CAMKK1: variants seen among roughly 807,000 people sequenced by gnomAD.
CAMKK1 encodes calcium/calmodulin-dependent protein kinase kinase 1.
In CAMKK1, 20 loss-of-function variants were observed where a neutral mutation model predicts 63.5. The observed-to-expected ratio is 0.32, with a 90% CI of 0.22 to 0.46. The LOEUF is 0.46. Among genes scored for constraint, CAMKK1 ranks in the 20% least tolerant of loss-of-function variants. CAMKK1 has a pLI of 1.00. For missense variants in CAMKK1, 588 were observed against 658.1 expected, an observed-to-expected ratio of 0.89 and a Z score of 1.17; for synonymous variants, 253 against 269.0, an observed-to-expected ratio of 0.94 and a Z score of 0.58.
intron 13 of CAMKK1, 58 bp from the exon 14 acceptor site, chr17:3,869,673 C>T: frequency 6.2e-7 from 1 of 1,612,816 alleles, no homozygotes; most frequent in Non-Finnish European, 8.5e-7. Flanking sequence ...CCAGAATCAC[C>T]TGGAGGGGTC....
intron 11 of CAMKK1, among the ~76,000 whole-genome samples, chr17:3,873,002 C>T (rs552242630): frequency 2.2e-4 from 33 of 152,198 alleles, no homozygotes; most frequent in Non-Finnish European, 2.5e-4. Context: ...GGCACACCTG[C>T]GGGCAGGGAT....
chr17:3,886,891 C>T (rs978620037), intron 1 of CAMKK1, among the ~76,000 whole-genome samples: 4 of 152,120 alleles, frequency 2.6e-5, no homozygotes, highest in Non-Finnish European at 5.9e-5. Flanking sequence ...CCCCTGCTTG[C>T]GCTGGACTCT....
intron 1 of CAMKK1, among the ~76,000 whole-genome samples, chr17:3,891,818 G>T (rs983947676): frequency 6.6e-6 from 1 of 152,152 alleles, no homozygotes; most frequent in African/African-American, 2.4e-5. Flanking sequence ...GGCTTGGTTT[G>T]GGGGTGGGGA....
Position 3,890,713 on chromosome 17 carries a change from C to T in CAMKK1, c.-44+2226G>A. The stretch of plus-strand genomic sequence containing the variant: ...CTTACTCTCCACTGCAGCCACACCA[C>T]AGCTTCCCAAATTGCATACTCTGTT... On this transcript the variant is annotated intron_variant, in intron 1 of 15. Transcript: ENST00000348335. This position sits in a 1 kb window ranked among gnomAD's most constrained non-coding sequence, Gnocchi z 6.5. 2.6e-6 allele frequency: 2 copies of T among 779,832 alleles called. No individual in the cohort carries two copies. Among genetic ancestry groups the T allele is most frequent in the Non-Finnish European group, 4.8e-6 (2 of 417,982 alleles). 48.3% of individuals were successfully genotyped at this position (779,832 alleles called of 1,614,324 possible).
intron 14 of CAMKK1, 89 bp downstream of exon 14, chr17:3,869,398 C>A: frequency 6.4e-7 from 1 of 1,553,766 alleles, no homozygotes; most frequent in Non-Finnish European, 8.7e-7. Context: ...CCAGGCAGGC[C>A]TCTGTCCCCC....
chr17:3,865,641 G>A, intron 15 of CAMKK1: 1 of 1,333,686 alleles, frequency 7.5e-7, no homozygotes, highest in Non-Finnish European at 9.6e-7. Context: ...CCTGTCCCAT[G>A]GAGGGGCTGC....
chr17:3,888,470 G>C (rs1229875269), intron 1 of CAMKK1, among the ~76,000 whole-genome samples: 1 of 152,256 alleles, frequency 6.6e-6, no homozygotes, highest in Non-Finnish European at 1.5e-5. Context: ...CCGTGAGCAG[G>C]TGGCTTCGCC....
At chr17:3,885,904 G>T (rs959002810) in intron 1 of CAMKK1, among the ~76,000 whole-genome samples, 174 bp from the exon 2 acceptor site, 1 of 152,194 alleles carries the variant, frequency 6.6e-6, no homozygotes, top group East Asian at 1.9e-4. Context: ...AATTCACATC[G>T]GTTCTGCCGC....
chr17:3,869,940 T>C, intron 12 of CAMKK1, 52 bp from the exon 13 acceptor site: 1 of 1,406,650 alleles, frequency 7.1e-7, no homozygotes, highest in Non-Finnish European at 1.0e-6. Flanking sequence ...TGAGGACCCC[T>C]TCCTGTCCAC....
In CAMKK1 at chr17:3,890,836, G is replaced by A. The variant is rs1441439615; in HGVS notation, c.-44+2103C>T. The A allele has an allele frequency of 6.5e-6, 5 of 771,180 alleles. No individual in the cohort carries two copies. Among genetic ancestry groups the A allele is most frequent in the Admixed American group, 1.7e-5 (1 of 57,702 alleles). The allele number at this position is 771,180 out of a possible 1,614,324, so 47.8% of individuals were successfully genotyped here. A position where few individuals can be genotyped will look rare whatever the true frequency, so the allele number is the denominator to read the frequency against. ...ACAGCTCAGACATCGCCTCTTCTGA[G>A]CCCTCCTTGATCTCCCCACTACCTG... On this transcript the variant is annotated intron_variant, in intron 1 of 15. Transcript: ENST00000348335. This position sits in a 1 kb window ranked among gnomAD's most constrained non-coding sequence, Gnocchi z 6.5.
In CAMKK1 at chr17:3,882,677, C is replaced by T. The variant is rs2055465874; in HGVS notation, c.649-113G>A. ...ACCCTTAGTATGCATGCAACCACCC[C>T]AGACAAGGAAGCAGGAAGTGTACAG... On this transcript the variant is annotated intron_variant, in intron 6 of 15. Coordinates refer to ENST00000348335, the MANE Select transcript of CAMKK1 (RefSeq NM_032294.3). This position sits in a 1 kb window ranked among gnomAD's most constrained non-coding sequence, Gnocchi z 4.3. The T allele has an allele frequency of 2.0e-6, 2 of 1,013,664 alleles. No homozygotes were observed. The highest frequency in any genetic ancestry group is 1.6e-5 in the African/African-American group (1 of 62,386). 62.8% of individuals were successfully genotyped at this position (1,013,664 alleles called of 1,614,324 possible).
chr17:3,876,744 G>GTTTTTTTTTTTGGTTTTTTT (rs2055177274), intron 9 of CAMKK1, among the ~76,000 whole-genome samples: 5 of 127,690 alleles, frequency 3.9e-5, no homozygotes, highest in Non-Finnish European at 8.1e-5. Flanking sequence ...AGTTGTTGCT[G>GTTTTTTTTTTTGGTTTTTTT]TTTTTTTTTT....
Position 3,884,501 on chromosome 17 carries a change from G to T in CAMKK1, c.361-74C>A. The T allele has an allele frequency of 1.4e-6, 2 of 1,455,344 alleles. No individual in the cohort carries two copies. Among genetic ancestry groups the T allele is most frequent in the African/African-American group, 1.4e-5 (1 of 71,670 alleles). 90.2% of individuals were successfully genotyped at this position (1,455,344 alleles called of 1,614,324 possible). ...CTGCTCCTACCTCAGAGCCCGTTCA[G>T]GGTCCAATTCTGGCCATAAGCTCCT... is the stretch of plus-strand genomic sequence containing the variant. On this transcript the variant is annotated intron_variant, in intron 2 of 15. Coordinates refer to ENST00000348335, the MANE Select transcript of CAMKK1 (RefSeq NM_032294.3). This position sits in a 1 kb window ranked among gnomAD's most constrained non-coding sequence, Gnocchi z 4.5.
At position 3,892,088 on chromosome 17, in the gene CAMKK1, G is replaced by A. The variant is rs114214760; in HGVS notation, c.-44+851C>T. Reference sequence around the variant, plus strand: ...TCCCTGGGATCCTCCAGCGCGCACAGGCTGTGTGCCCCTCCCACACTCCTG... The same window carrying A: ...TCCCTGGGATCCTCCAGCGCGCACAAGCTGTGTGCCCCTCCCACACTCCTG... On this transcript the variant is annotated intron_variant, in intron 1 of 15. Coordinates refer to ENST00000348335, the MANE Select transcript of CAMKK1 (RefSeq NM_032294.3). This position sits in a 1 kb window ranked among gnomAD's most constrained non-coding sequence, Gnocchi z 7.5. Among the ~76,000 whole-genome samples, 3,211 of 151,178 alleles carry A rather than the reference G, an allele frequency of 0.021. 101 individuals carry two copies. Among genetic ancestry groups the A allele is most frequent in the African/African-American group, 0.073 (2,967 of 40,552 alleles).
Position 3,882,192 on chromosome 17 carries a change from G to T in CAMKK1, c.685+336C>A. ...CACCACTAGTATCCCTGTTTTATAGGTGGGAAAACTGAGGCACAGAGCTAC... is the reference window on the plus strand; with the variant it reads ...CACCACTAGTATCCCTGTTTTATAGTTGGGAAAACTGAGGCACAGAGCTAC... On this transcript the variant is annotated intron_variant, in intron 7 of 15. Transcript: ENST00000348335. This position sits in a 1 kb window ranked among gnomAD's most constrained non-coding sequence, Gnocchi z 4.3. The T allele has an allele frequency of 1.7e-6, 2 of 1,151,908 alleles. No homozygotes were observed. The highest frequency in any genetic ancestry group is 2.5e-6 in the Non-Finnish European group (2 of 789,810). 71.4% of individuals were successfully genotyped at this position (1,151,908 alleles called of 1,614,324 possible). A position where few individuals can be genotyped will look rare whatever the true frequency, so the allele number is the denominator to read the frequency against.
chr17:3,887,576 G>C lies in CAMKK1; in HGVS notation c.-43-1846C>G, dbSNP rs1053135142. ...GTGAGTGCGGCTGTGGCACAAGGAG[G>C]CCTCCCTGGAGGAGGTGAGAGGGGA... is the stretch of plus-strand genomic sequence containing the variant. On this transcript the variant is annotated intron_variant, in intron 1 of 15. Transcript: ENST00000348335. This position sits in a 1 kb window ranked among gnomAD's most constrained non-coding sequence, Gnocchi z 6.1. 2.6e-5 allele frequency among the ~76,000 whole-genome samples: 4 copies of C among 151,756 alleles called. No homozygotes were observed. The highest frequency in any genetic ancestry group is 2.6e-4 in the Admixed American group (4 of 15,258).
chr17:3,863,949 C>CT (rs939360773), intron 15 of CAMKK1, among the ~76,000 whole-genome samples: 86 of 151,348 alleles, frequency 5.7e-4, no homozygotes, highest in Non-Finnish European at 8.3e-4. Context: ...ATTATTATTA[C>CT]TTTTTTTTCT....
rs1218872866 is a variant in CAMKK1, at chr17:3,873,445, G to A, written c.1014C>T (p.Ala338=). 1.9e-5 allele frequency: 30 copies of A among 1,613,990 alleles called. No individual in the cohort carries two copies. The highest frequency in any genetic ancestry group is 2.5e-5 in the Non-Finnish European group (30 of 1,180,032). The change falls in exon 11 of 16, where the codon GCC becomes GCT. Residue 338 remains alanine, a synonymous_variant. Coordinates refer to ENST00000348335, the MANE Select transcript of CAMKK1 (RefSeq NM_032294.3). ...SFSGKALDVW[A]TGVTLYCFVY... The stretch of plus-strand genomic sequence containing the variant: ...CAAAGCAGTACAACGTGACGCCAGT[G>A]GCCCATACATCCAAGGCCTGGAAAG...
chr17:3,883,261 G>A lies in CAMKK1; in HGVS notation c.515-86C>T, dbSNP rs2055494830. The stretch of plus-strand genomic sequence containing the variant: ...CAAACCAGTCTCAAGCAAGAGTCTT[G>A]CATGCCCGTGGTCTTGTCCCAACCC... On this transcript the variant is annotated intron_variant, in intron 5 of 15. Transcript: ENST00000348335. The surrounding 1 kb of genome is among the most constrained non-coding windows in gnomAD (Gnocchi z 4.7). 2.6e-6 allele frequency: 4 copies of A among 1,568,544 alleles called. No homozygotes were observed. Among genetic ancestry groups the A allele is most frequent in the Non-Finnish European group, 3.5e-6 (4 of 1,147,640 alleles).
Sources: allele counts gnomAD v4.1 joint callset (sites outside exome capture counted in the v4.1 genomes callset), GRCh38; gene constraint gnomAD v4.1.1; non-coding constraint Gnocchi (gnomAD v3.1); transcripts MANE v1.5; gene names NCBI Gene and HGNC (gene_info 2026-07-23, HGNC 2026-07-21).